Variants in RAP1GAP2 observed in about 807,000 individuals in gnomAD.
RAP1GAP2 encodes rap1 GTPase-activating protein 2.
RAP1GAP2 carries 27 observed loss-of-function variants against 95.0 expected under a neutral mutation model. That is an observed-to-expected ratio of 0.28 (90% CI 0.21 to 0.39). The LOEUF (loss-of-function observed/expected upper bound fraction) is 0.39. Among genes scored for constraint, RAP1GAP2 ranks in the 10% least tolerant of loss-of-function variants. The pLI is 1.00. For missense variants in RAP1GAP2, 771 were observed against 970.0 expected, an observed-to-expected ratio of 0.79 and a Z score of 2.72; for synonymous variants, 373 against 380.9, an observed-to-expected ratio of 0.98 and a Z score of 0.24.
At chr17:2,789,824 T>A (rs1413621066) in intron 1 of RAP1GAP2, among the ~76,000 whole-genome samples, 1 of 147,516 alleles carries the variant, frequency 6.8e-6, no homozygotes, top group Non-Finnish European at 1.5e-5. Flanking sequence ...AATTGTGCAA[T>A]TGTGGTATAT....
intron 2 of RAP1GAP2, among the ~76,000 whole-genome samples, chr17:2,830,901 C>G (rs1015271465): frequency 2.0e-5 from 3 of 149,612 alleles, no homozygotes; most frequent in Admixed American, 1.3e-4. Flanking sequence ...TCTTTATTCA[C>G]ATGTAAGATG....
At chr17:2,839,873 A>G (rs1201563425) in intron 2 of RAP1GAP2, among the ~76,000 whole-genome samples, 3 of 152,044 alleles carry the variant, frequency 2.0e-5, no homozygotes, top group Non-Finnish European at 4.4e-5. Context: ...ATCTCGGCTC[A>G]CTGCAACCTC....
chr17:2,806,361 C>T (rs2069513590), intron 2 of RAP1GAP2, among the ~76,000 whole-genome samples: 1 of 128,578 alleles, frequency 7.8e-6, no homozygotes, highest in Non-Finnish European at 1.6e-5. Flanking sequence ...TTGATTTCTT[C>T]TCTGCTACAA....
intron 2 of RAP1GAP2, among the ~76,000 whole-genome samples, chr17:2,862,220 G>T (rs1354274376): frequency 6.6e-6 from 1 of 152,194 alleles, no homozygotes; most frequent in Admixed American, 6.5e-5. Flanking sequence ...CTAAGTCTTG[G>T]GTCCTGGAAC....
chr17:2,797,100 T>C lies in RAP1GAP2; in HGVS notation c.44+529T>C, dbSNP rs1257303944. Among the ~76,000 whole-genome samples the C allele has an allele frequency of 6.6e-6, 1 of 152,062 alleles. No homozygotes were observed. The highest frequency in any genetic ancestry group is 3.2e-3 in the Middle Eastern group (1 of 316). On this transcript the variant is annotated intron_variant, in intron 1 of 24. Coordinates refer to ENST00000254695, the MANE Select transcript of RAP1GAP2 (RefSeq NM_015085.5). The surrounding 1 kb of genome is among the most constrained non-coding windows in gnomAD (Gnocchi z 5.6). Reference sequence around the variant, plus strand: ...GTGTGTGATGCTCCTGTCTGTGCTGTTGTTGTGGCCTTGTGGCAGGGGAGT... The same window carrying C: ...GTGTGTGATGCTCCTGTCTGTGCTGCTGTTGTGGCCTTGTGGCAGGGGAGT...
At chr17:3,032,522 C>A in intron 24 of RAP1GAP2, 73 bp downstream of exon 24, 1 of 1,430,930 alleles carries the variant, frequency 7.0e-7, no homozygotes, top group Non-Finnish European at 9.8e-7. Context: ...GAACTAGAGG[C>A]CTTGTAACCT....
chr17:2,776,359 TCCCCATTGC>T (rs61493661), upstream of RAP1GAP2, among the ~76,000 whole-genome samples: 21 of 152,108 alleles, frequency 1.4e-4, no homozygotes, highest in South Asian at 6.2e-4. Context: ...GCACCTCGGT[TCCCCATTGC>T]CCCCATTGCC....
chr17:2,852,226 C>T (rs1435291585), intron 2 of RAP1GAP2, among the ~76,000 whole-genome samples: 1 of 152,134 alleles, frequency 6.6e-6, no homozygotes, highest in African/African-American at 2.4e-5. Context: ...TTGCAGCCTG[C>T]CTAACCGCCA....
chr17:2,960,769 C>T lies in RAP1GAP2; in HGVS notation c.202-1901C>T, dbSNP rs144937559. ...TGCATTAGTGTTGTGACCAGGCAGA[C>T]GCTGCTTCTGGACTCCTTCTGCTTC... On this transcript the variant is annotated intron_variant, in intron 4 of 24. Transcript: ENST00000254695. Among the ~76,000 whole-genome samples, 1,359 of 152,324 alleles carry T rather than the reference C, an allele frequency of 8.9e-3. 15 individuals carry two copies. Among genetic ancestry groups the T allele is most frequent in the African/African-American group, 0.03 (1,228 of 41,564 alleles).
chr17:2,819,068 G>C (rs1294712160), intron 2 of RAP1GAP2, among the ~76,000 whole-genome samples: 1 of 151,554 alleles, frequency 6.6e-6, no homozygotes, highest in Non-Finnish European at 1.5e-5. Context: ...GCCCAGGCTG[G>C]AATGCAGTGG....
intron 2 of RAP1GAP2, among the ~76,000 whole-genome samples, chr17:2,885,499 C>T (rs1471084558): frequency 1.3e-5 from 2 of 152,136 alleles, no homozygotes; most frequent in Non-Finnish European, 1.5e-5. Context: ...GCTTGGAGTA[C>T]GTTGGAGGTG....
chr17:2,913,151 C>G (rs2042446064), intron 3 of RAP1GAP2, among the ~76,000 whole-genome samples: 1 of 151,992 alleles, frequency 6.6e-6, no homozygotes, highest in Non-Finnish European at 1.5e-5. Flanking sequence ...GCACTCTAGC[C>G]TGGGTGACAG....
At chr17:3,015,155 T>C (rs919810503) in intron 17 of RAP1GAP2, among the ~76,000 whole-genome samples, 5 of 152,174 alleles carry the variant, frequency 3.3e-5, no homozygotes, top group Non-Finnish European at 7.3e-5. Context: ...GCTGACTGTT[T>C]TAACCATGCG....
chr17:2,969,563 G>T (rs992630021), intron 8 of RAP1GAP2, among the ~76,000 whole-genome samples: 2 of 131,616 alleles, frequency 1.5e-5, no homozygotes, highest in Non-Finnish European at 3.1e-5. Flanking sequence ...GTGCAGTGGT[G>T]CAATCTTGGT....
At chr17:2,779,330 A>AC (rs1201521643) in intron 1 of RAP1GAP2, among the ~76,000 whole-genome samples, 1 of 152,144 alleles carries the variant, frequency 6.6e-6, no homozygotes, top group South Asian at 2.1e-4. Flanking sequence ...CAAGGGCTTC[A>AC]CCCGGGGTAT....
chr17:2,910,169 G>T (rs527411928), intron 3 of RAP1GAP2, among the ~76,000 whole-genome samples: 1 of 152,214 alleles, frequency 6.6e-6, no homozygotes, highest in African/African-American at 2.4e-5. Flanking sequence ...TGAGCATAGC[G>T]ACTGTGTCCT....
intron 2 of RAP1GAP2, among the ~76,000 whole-genome samples, chr17:2,887,468 G>A (rs1225091782): frequency 1.4e-5 from 2 of 148,122 alleles, no homozygotes; most frequent in East Asian, 2.0e-4. Flanking sequence ...TCCACCTCCT[G>A]GGTTCAAGCG....
chr17:2,838,699 G>A (rs1373262619), intron 2 of RAP1GAP2, among the ~76,000 whole-genome samples: 1 of 152,182 alleles, frequency 6.6e-6, no homozygotes, highest in South Asian at 2.1e-4. Context: ...AACCGGGGGA[G>A]ATGACATTTG....
chr17:2,966,302 A>T (rs781658717), intron 8 of RAP1GAP2, among the ~76,000 whole-genome samples: 14 of 152,178 alleles, frequency 9.2e-5, no homozygotes, highest in Non-Finnish European at 1.9e-4. Flanking sequence ...TGAAAGGCAT[A>T]TGGTTTCATG....
Sources: gnomAD v4.1 joint callset for allele counts (sites outside exome capture counted in the v4.1 genomes callset) on GRCh38, gnomAD v4.1.1 for gene constraint, Gnocchi (gnomAD v3.1) non-coding constraint, MANE v1.5 for transcripts, NCBI Gene and HGNC (gene_info 2026-07-23, HGNC 2026-07-21) for gene names.